Variants in ADGRL4 observed in about 807,000 individuals in gnomAD.
ADGRL4 encodes adhesion G protein-coupled receptor L4.
In ADGRL4, 90 loss-of-function variants were observed where a neutral mutation model predicts 74.8. That is an observed-to-expected ratio of 1.20 (90% CI 1.02 to 1.43). The LOEUF (loss-of-function observed/expected upper bound fraction) is 1.43. ADGRL4 is among the 40% of genes most tolerant of loss of function. The pLI is 0.00. For synonymous variants in ADGRL4, 311 were observed against 279.2 expected, an observed-to-expected ratio of 1.11 and a Z score of -1.14; for missense variants, 881 against 814.3, an observed-to-expected ratio of 1.08 and a Z score of -1.00.
chr1:78,928,355 C>T (rs1304927081), intron 7 of ADGRL4, among the ~76,000 whole-genome samples: 3 of 151,352 alleles, frequency 2.0e-5, no homozygotes, highest in Admixed American at 6.6e-5. Flanking sequence ...GGGTTTTGAA[C>T]TTCTTCAATT....
chr1:78,943,031 T>C (rs1649520295), intron 3 of ADGRL4, among the ~76,000 whole-genome samples: 1 of 152,162 alleles, frequency 6.6e-6, no homozygotes, highest in Non-Finnish European at 1.5e-5. Flanking sequence ...TTTCAAAACA[T>C]GATCATATGA....
Position 79,005,070 on chromosome 1 carries a change from C to T in ADGRL4, c.172G>A (p.Asp58Asn), listed in dbSNP as rs866150225. ...AAAAGAAGTAACAAAGCTTGTTTAC[C>T]TTCACAAATTGTGACACCATTTCCT... The part of the protein sequence containing the change: ...FSGNGVTICE[D>N]DNECGNLTQS... The change falls in exon 2 of 15, where the codon GAT becomes AAT. Residue 58 changes from aspartate (D) to asparagine (N), a missense_variant and splice_region_variant. Coordinates refer to ENST00000370742, the MANE Select transcript of ADGRL4 (RefSeq NM_022159.4). 1.2e-6 allele frequency: 2 copies of T among 1,610,596 alleles called. No homozygotes were observed. The highest frequency in any genetic ancestry group is 1.7e-6 in the Non-Finnish European group (2 of 1,178,662).
At chr1:79,001,175 AG>A (rs1236563525) in intron 2 of ADGRL4, among the ~76,000 whole-genome samples, 3 of 16,092 alleles carry the variant, frequency 1.9e-4, no homozygotes, top group East Asian at 1.5e-3. Flanking sequence ...AGGAAGGGAG[AG>A]GGGGGGGAGG....
intron 12 of ADGRL4, among the ~76,000 whole-genome samples, chr1:78,916,406 C>A (rs80156808): frequency 0.018 from 2,660 of 151,850 alleles, 92 homozygotes; most frequent in African/African-American, 0.061. Flanking sequence ...CACATCAGGG[C>A]AATCCATAAA....
chr1:78,915,958 C>A (rs1328188956), intron 12 of ADGRL4, among the ~76,000 whole-genome samples: 1 of 151,698 alleles, frequency 6.6e-6, no homozygotes, highest in East Asian at 1.9e-4. Flanking sequence ...AGGGGCCTAG[C>A]TCATTTTTTA....
chr1:78,935,942 T>A (rs1475457048), intron 7 of ADGRL4, among the ~76,000 whole-genome samples: 1 of 83,002 alleles, frequency 1.2e-5, no homozygotes. Context: ...GCTAACACGG[T>A]GAAACCCCGT....
intron 2 of ADGRL4, among the ~76,000 whole-genome samples, chr1:79,004,505 A>G (rs1272475579): frequency 1.3e-5 from 2 of 152,122 alleles, no homozygotes; most frequent in African/African-American, 4.8e-5. Flanking sequence ...CTGTCTCTGG[A>G]CAGTAGCATG....
At chr1:78,991,364 T>G (rs376509195) in intron 2 of ADGRL4, among the ~76,000 whole-genome samples, 93 of 152,152 alleles carry the variant, frequency 6.1e-4, no homozygotes, top group African/African-American at 2.0e-3. Context: ...GCGTTCTTTG[T>G]GCAGAATTTA....
At chr1:78,917,292 C>T (rs1466068261) in intron 12 of ADGRL4, among the ~76,000 whole-genome samples, 1 of 151,708 alleles carries the variant, frequency 6.6e-6, no homozygotes, top group African/African-American at 2.4e-5. Context: ...GCAAAAAATG[C>T]TTTTTCCTCT....
At chr1:78,905,995 G>A (rs1386910269) in intron 12 of ADGRL4, among the ~76,000 whole-genome samples, 1 of 151,862 alleles carries the variant, frequency 6.6e-6, no homozygotes, top group Non-Finnish European at 1.5e-5. Context: ...TTATTCTCCA[G>A]GAATAACTCT....
At chr1:78,891,471 C>A in intron 14 of ADGRL4, 53 bp downstream of exon 14, 1 of 1,532,150 alleles carries the variant, frequency 6.5e-7, no homozygotes, top group Non-Finnish European at 8.9e-7. Flanking sequence ...ATCAATTTGG[C>A]AACTGATGTT....
chr1:78,982,186 T>C (rs990058389), intron 2 of ADGRL4, among the ~76,000 whole-genome samples: 1 of 151,936 alleles, frequency 6.6e-6, no homozygotes, highest in Non-Finnish European at 1.5e-5. Context: ...CCTGTATTTC[T>C]TGTATTTGCA....
intron 6 of ADGRL4, among the ~76,000 whole-genome samples, chr1:78,936,836 A>G (rs1410330958): frequency 2.0e-5 from 3 of 152,190 alleles, no homozygotes; most frequent in Non-Finnish European, 1.5e-5. Context: ...ACATTATAAA[A>G]ATATAGAGCA....
chr1:78,901,006 A>G (rs1361629865), intron 12 of ADGRL4, among the ~76,000 whole-genome samples: 10 of 152,042 alleles, frequency 6.6e-5, no homozygotes, highest in Admixed American at 6.6e-4. Context: ...ATAAATACTA[A>G]TTTATAGAAC....
intron 7 of ADGRL4, among the ~76,000 whole-genome samples, chr1:78,929,066 A>G (rs111657353): frequency 0.028 from 4,299 of 151,646 alleles, 114 homozygotes; most frequent in South Asian, 0.053. Context: ...TGTTGATTTC[A>G]TAAGTAATTT....
At chr1:78,905,932 A>G (rs1557492580) in intron 12 of ADGRL4, among the ~76,000 whole-genome samples, 1 of 152,052 alleles carries the variant, frequency 6.6e-6, no homozygotes, top group Non-Finnish European at 1.5e-5. Flanking sequence ...AGAATATTAC[A>G]TAATATATGG....
In ADGRL4 at chr1:78,917,859, T is replaced by C; in HGVS notation, c.1653A>G (p.Leu551=). 6.2e-7 allele frequency: 1 copy of C among 1,612,638 alleles called. No homozygotes were observed. The highest frequency in any genetic ancestry group is 1.7e-5 in the Admixed American group (1 of 59,854). The change falls in exon 11 of 15, where the codon CTA becomes CTG. Residue 551 remains leucine, a synonymous_variant. Transcript: ENST00000370742. ...TGGTTGTGCCATAATATCTGTATCC[T>C]AGTGCTGCCGAAAATCCAACTACCA... ...PAVVVGFSAA[L]GYRYYGTTKV... is the part of the protein sequence containing the mutation.
chr1:78,915,287 C>T (rs938605058), intron 12 of ADGRL4, among the ~76,000 whole-genome samples: 6 of 151,614 alleles, frequency 4.0e-5, no homozygotes, highest in Non-Finnish European at 2.9e-5. Flanking sequence ...ACATTTGGCT[C>T]GAAATCAGGG....
At chr1:78,976,670 G>A (rs764160874) in intron 2 of ADGRL4, among the ~76,000 whole-genome samples, 3 of 151,090 alleles carry the variant, frequency 2.0e-5, no homozygotes, top group African/African-American at 4.9e-5. Context: ...GTTTGCCAAC[G>A]CTTGACTTAG....
Sources: gnomAD v4.1 joint callset for allele counts (sites outside exome capture counted in the v4.1 genomes callset) on GRCh38, gnomAD v4.1.1 for gene constraint, MANE v1.5 for transcripts, NCBI Gene and HGNC (gene_info 2026-07-23, HGNC 2026-07-21) for gene names.